Variants in MAPKAP1 observed in about 807,000 individuals in gnomAD.
MAPKAP1 encodes the protein MAPK associated protein 1, also known as target of rapamycin complex 2 subunit MAPKAP1.
A neutral mutation model predicts 65.7 loss-of-function variants in MAPKAP1; 20 were observed. The ratio of observed to expected loss-of-function variants is 0.30; its 90% CI spans 0.21 to 0.44. The LOEUF is 0.44. Ranked by LOEUF, MAPKAP1 falls within the 20% of genes least tolerant of loss-of-function variation. The pLI, the probability that MAPKAP1 is intolerant of heterozygous loss-of-function variation, is 1.00. For missense variants in MAPKAP1, 423 were observed against 648.0 expected (o/e 0.65, Z 3.77); for synonymous variants, 222 against 244.3 (o/e 0.91, Z 0.85).
intron 1 of MAPKAP1, among the ~76,000 whole-genome samples, chr9:125,692,796 C>A (rs960662715): frequency 6.6e-6 from 1 of 152,054 alleles, no homozygotes; most frequent in South Asian, 2.1e-4. Context: ...GCAACAGTAA[C>A]CATAAAAATT....
At position 125,668,498 on chromosome 9, in the gene MAPKAP1, C is replaced by T. The variant is rs79145614; in HGVS notation, c.349+1320G>A. 4.9e-3 allele frequency among the ~76,000 whole-genome samples: 750 copies of T among 151,964 alleles called. 5 individuals are homozygous for T. Among genetic ancestry groups the T allele is most frequent in the African/African-American group, 0.017 (704 of 41,420 alleles). On this transcript the variant is annotated intron_variant, in intron 3 of 11. Transcript: ENST00000265960. ...TATTTATTAGGCATCTATTACATGC[C>T]GATATGATATTGGGAGGTGCTGGGA...
intron 7 of MAPKAP1, among the ~76,000 whole-genome samples, chr9:125,525,043 C>A (rs1009515930): frequency 1.3e-5 from 2 of 152,166 alleles, no homozygotes; most frequent in African/African-American, 2.4e-5. Context: ...CTGGGCTGTA[C>A]CTAATACATG....
chr9:125,698,303 ATATAT>A (rs1564622436), intron 1 of MAPKAP1, among the ~76,000 whole-genome samples: 2 of 21,464 alleles, frequency 9.3e-5, no homozygotes, highest in Non-Finnish European at 2.0e-4. Context: ...ATATATATAT[ATATAT>A]ATATATATAT....
chr9:125,695,471 G>C (rs1451698878), intron 1 of MAPKAP1, among the ~76,000 whole-genome samples: 1 of 152,160 alleles, frequency 6.6e-6, no homozygotes, highest in Non-Finnish European at 1.5e-5. Flanking sequence ...AATTTGAACA[G>C]ATGACAAAGT....
chr9:125,663,059 A>T (rs1834234392), intron 3 of MAPKAP1, among the ~76,000 whole-genome samples: 1 of 152,222 alleles, frequency 6.6e-6, no homozygotes, highest in African/African-American at 2.4e-5. Flanking sequence ...AATTTTCTAC[A>T]ATAAAAAGTT....
At chr9:125,505,611 G>A (rs1829117711) in intron 8 of MAPKAP1, among the ~76,000 whole-genome samples, 1 of 152,208 alleles carries the variant, frequency 6.6e-6, no homozygotes, top group African/African-American at 2.4e-5. Context: ...GGAAGATCCT[G>A]GTGGCCTTTC....
At chr9:125,649,126 A>G (rs1179840857) in intron 4 of MAPKAP1, among the ~76,000 whole-genome samples, 1 of 152,068 alleles carries the variant, frequency 6.6e-6, no homozygotes, top group Admixed American at 6.5e-5. Context: ...ATGCAGAGCA[A>G]AGTACCCCAG....
intron 1 of MAPKAP1, among the ~76,000 whole-genome samples, chr9:125,694,580 T>C (rs1432168346): frequency 6.6e-6 from 1 of 152,004 alleles, no homozygotes; most frequent in Non-Finnish European, 1.5e-5. Context: ...ACAGAGAAAA[T>C]GTATGGAAAT....
At chr9:125,621,139 G>A (rs1832885664) in intron 4 of MAPKAP1, among the ~76,000 whole-genome samples, 1 of 151,998 alleles carries the variant, frequency 6.6e-6, no homozygotes, top group African/African-American at 2.4e-5. Context: ...AGGTGTGGTG[G>A]CATGTGCCTG....
chr9:125,577,374 T>G (rs1831449522), intron 5 of MAPKAP1, among the ~76,000 whole-genome samples: 2 of 147,878 alleles, frequency 1.4e-5, no homozygotes, highest in Admixed American at 6.6e-5. Flanking sequence ...AGCCACCCCG[T>G]CCGGGAGGGA....
At position 125,587,670 on chromosome 9, in the gene MAPKAP1, A is replaced by G. The variant is rs534928509; in HGVS notation, c.499-1943T>C. Among the ~76,000 whole-genome samples, 6 of 152,344 alleles carry G rather than the reference A, an allele frequency of 3.9e-5. No individual in the cohort carries two copies. In the East Asian group the frequency reaches 5.8e-4, roughly 15 times the overall value. On this transcript the variant is annotated intron_variant, in intron 4 of 11. Transcript: ENST00000265960. Reference sequence around the variant, plus strand: ...ACGGGAGAAAATATTCACAAATCATATATCTCATAAGGCTCTACTATCTAG... The same window carrying G: ...ACGGGAGAAAATATTCACAAATCATGTATCTCATAAGGCTCTACTATCTAG...
rs144425608 is a variant in MAPKAP1 at position 125,493,312 on chromosome 9, C to T, written c.1067-8729G>A. ...CCATTTGGTCAGAATGTCCTTTATGCTCTAAAATTTATATGCTTCAAGGTC... is the reference window on the plus strand; with the variant it reads ...CCATTTGGTCAGAATGTCCTTTATGTTCTAAAATTTATATGCTTCAAGGTC... On this transcript the variant is annotated intron_variant, in intron 8 of 11. Transcript: ENST00000265960. Among the ~76,000 whole-genome samples, 467 of 152,318 alleles carry T rather than the reference C, an allele frequency of 3.1e-3. 2 individuals are homozygous for T. Among genetic ancestry groups the T allele is most frequent in the Middle Eastern group, 6.8e-3 (2 of 294 alleles).
chr9:125,468,100 C>G lies in MAPKAP1; in HGVS notation c.1217G>C (p.Gly406Ala). Residue 406 changes from glycine to alanine, a missense_variant, in exon 10 of 12, where the codon GGA (glycine) becomes GCA (alanine). This residue lies in a region of MAPKAP1 where 185 missense variants were observed against 268.1 expected (regional missense o/e 0.69). Coordinates refer to ENST00000265960, the MANE Select transcript of MAPKAP1 (RefSeq NM_001006617.3). The stretch of plus-strand genomic sequence containing the variant: ...AACAGGGTCTATCTCTACTTTGTCT[C>G]CAGAGATACCTGTAAGCCAAGGTGA... ...FTTDVQLGISGDKVEIDPVTN... is the reference protein window; with the variant it reads ...FTTDVQLGISADKVEIDPVTN... The G allele has an allele frequency of 6.2e-7, 1 of 1,614,034 alleles. No homozygotes were observed. Among genetic ancestry groups the G allele is most frequent in the African/African-American group, 1.3e-5 (1 of 75,018 alleles).
At chr9:125,465,882 T>C (rs1045639991) in intron 10 of MAPKAP1, among the ~76,000 whole-genome samples, 2 of 152,100 alleles carry the variant, frequency 1.3e-5, no homozygotes, top group Admixed American at 1.3e-4. Flanking sequence ...GTGGAAATGT[T>C]TGTAAGTTAG....
intron 9 of MAPKAP1, 76 bp downstream of exon 9, chr9:125,484,367 G>GTATGTTGT: frequency 7.1e-7 from 1 of 1,409,682 alleles, no homozygotes; most frequent in Non-Finnish European, 9.5e-7. Flanking sequence ...CATAAAAGTT[G>GTATGTTGT]TATGTTGTTT....
intron 4 of MAPKAP1, among the ~76,000 whole-genome samples, chr9:125,651,841 G>A (rs1369464692): frequency 6.6e-6 from 1 of 152,182 alleles, no homozygotes; most frequent in Non-Finnish European, 1.5e-5. Flanking sequence ...GGGGTTGGGG[G>A]TAAAGGAGAA....
chr9:125,447,470 G>A lies in MAPKAP1; in HGVS notation c.1346-2872C>T. 2 of 456,670 alleles carry A rather than the reference G, an allele frequency of 4.4e-6. No homozygotes were observed. The highest frequency in any genetic ancestry group is 8.8e-6 in the Non-Finnish European group (2 of 226,970). 28.3% of individuals were successfully genotyped at this position (456,670 alleles called of 1,614,324 possible). A position where few individuals can be genotyped will look rare whatever the true frequency, so the allele number is the denominator to read the frequency against. ...GACAGCCCCCTCTTGCTCTCTGCAAGGAGTGATGAGCGGAACCCTGGGGGG... is the reference window on the plus strand; with the variant it reads ...GACAGCCCCCTCTTGCTCTCTGCAAAGAGTGATGAGCGGAACCCTGGGGGG... On this transcript the variant is annotated intron_variant, in intron 10 of 11. Transcript: ENST00000265960. This position sits in a 1 kb window ranked among gnomAD's most constrained non-coding sequence, Gnocchi z 4.5.
At chr9:125,487,105 T>C (rs1854521306) in intron 8 of MAPKAP1, among the ~76,000 whole-genome samples, 1 of 152,170 alleles carries the variant, frequency 6.6e-6, no homozygotes, top group African/African-American at 2.4e-5. Flanking sequence ...CCAGGTGCCA[T>C]GTCCACAGGA....
chr9:125,641,909 G>A (rs1206365514), intron 4 of MAPKAP1, among the ~76,000 whole-genome samples: 3 of 152,164 alleles, frequency 2.0e-5, no homozygotes, highest in African/African-American at 7.2e-5. Context: ...GCGCATGCCT[G>A]TAATCCAAGC....
Sources: gnomAD v4.1 joint callset for allele counts (sites outside exome capture counted in the v4.1 genomes callset) on GRCh38, gnomAD v4.1.1 for gene constraint, gnomAD v4.1.1 regional missense constraint, Gnocchi (gnomAD v3.1) non-coding constraint, MANE v1.5 for transcripts, NCBI Gene and HGNC (gene_info 2026-07-23, HGNC 2026-07-21) for gene names.